TENM4: variants seen among roughly 807,000 people sequenced by gnomAD.
TENM4 encodes teneurin transmembrane protein 4, also known as teneurin-4.
TENM4 carries 82 observed loss-of-function variants against 243.3 expected under a neutral mutation model. The observed-to-expected ratio is 0.34, with a 90% CI of 0.28 to 0.40. The LOEUF (loss-of-function observed/expected upper bound fraction) is 0.40. Ranked by LOEUF, TENM4 falls within the 10% of genes least tolerant of loss-of-function variation. The pLI is 1.00. For synonymous variants in TENM4, 1,412 were observed against 1,456.3 expected, an observed-to-expected ratio of 0.97 and a Z score of 0.69; for missense variants, 3,138 against 3,673.3, an observed-to-expected ratio of 0.85 and a Z score of 3.77.
At chr11:78,688,344 A>G in intron 28 of TENM4, 118 bp from the exon 29 acceptor site, 2 of 1,135,716 alleles carry the variant, frequency 1.8e-6, no homozygotes, top group Non-Finnish European at 2.5e-6. Flanking sequence ...CTGGCTGGAT[A>G]CATTCCCATG....
chr11:79,139,749 A>AAT (rs71050211), intron 4 of TENM4, among the ~76,000 whole-genome samples: 3,650 of 58,486 alleles, frequency 0.062, 496 homozygotes, highest in African/African-American at 0.22. Flanking sequence ...ATAAATATAT[A>AAT]ATATATATTA....
chr11:78,761,532 C>A (rs748727254), intron 18 of TENM4, among the ~76,000 whole-genome samples: 51 of 151,964 alleles, frequency 3.4e-4, no homozygotes, highest in Non-Finnish European at 6.5e-4. Context: ...AGCCACTGTG[C>A]CTGGCCCAGG....
intron 3 of TENM4, among the ~76,000 whole-genome samples, chr11:79,206,948 A>G (rs1241744113): frequency 6.6e-6 from 1 of 152,198 alleles, no homozygotes; most frequent in East Asian, 1.9e-4. Flanking sequence ...TGACAAATTC[A>G]TGATATAAAC....
At chr11:79,264,802 A>C (rs1182669294) in intron 2 of TENM4, among the ~76,000 whole-genome samples, 1 of 152,170 alleles carries the variant, frequency 6.6e-6, no homozygotes, top group Admixed American at 6.5e-5. Context: ...ATGTTCAAAA[A>C]CTGTTCTAGG....
At chr11:78,862,691 C>T (rs1858853552) in intron 10 of TENM4, among the ~76,000 whole-genome samples, 1 of 152,190 alleles carries the variant, frequency 6.6e-6, no homozygotes, top group South Asian at 2.1e-4. Flanking sequence ...CAGTGTGAAG[C>T]CCCTAATGCT....
Position 78,672,224 on chromosome 11 carries a change from C to T in TENM4, c.5602G>A (p.Ala1868Thr), listed in dbSNP as rs201082605. ...KFTLRILYDQAGRPSLWSPSS... is the reference protein window; with the variant it reads ...KFTLRILYDQTGRPSLWSPSS... Reference sequence around the variant, plus strand: ...GGTGACCAGAGGCTGGGCCGCCCCGCCTGGTCGTACAGAATCCGAAGGGTG... The same window carrying T: ...GGTGACCAGAGGCTGGGCCGCCCCGTCTGGTCGTACAGAATCCGAAGGGTG... Residue 1868 changes from alanine (A) to threonine (T), a missense_variant, in exon 31 of 34, where the codon GCG (alanine) becomes ACG (threonine). Around this residue, in one of 2 missense-constraint regions of TENM4, gnomAD observed 2,467 missense variants for 3,059.1 expected, o/e 0.81. Transcript: ENST00000278550. 1.0e-3 allele frequency: 1,693 copies of T among 1,614,064 alleles called. 5 individuals are homozygous for T. The highest frequency in any genetic ancestry group is 3.8e-4 in the Non-Finnish European group (447 of 1,179,914).
intron 1 of TENM4, among the ~76,000 whole-genome samples, chr11:79,317,083 G>T (rs1357795964): frequency 1.3e-5 from 2 of 152,144 alleles, no homozygotes; most frequent in Non-Finnish European, 2.9e-5. Flanking sequence ...ATGACAAAAA[G>T]AATGACTTTT....
intron 4 of TENM4, among the ~76,000 whole-genome samples, chr11:79,080,772 T>C (rs2137027699): frequency 6.6e-6 from 1 of 152,328 alleles, no homozygotes; most frequent in East Asian, 1.9e-4. Flanking sequence ...GGAAAAATAC[T>C]TCCTTCCTTC....
chr11:78,674,374 C>T (rs1168509601), intron 30 of TENM4, among the ~76,000 whole-genome samples: 4 of 152,198 alleles, frequency 2.6e-5, no homozygotes, highest in South Asian at 2.1e-4. Flanking sequence ...CGTGGCCACC[C>T]GTCCCAATCT....
At chr11:78,900,828 A>T (rs1314431632) in intron 7 of TENM4, among the ~76,000 whole-genome samples, 3 of 152,166 alleles carry the variant, frequency 2.0e-5, no homozygotes, top group Admixed American at 6.5e-5. Context: ...GCCAGACTTG[A>T]TGCTGATCCC....
intron 1 of TENM4, among the ~76,000 whole-genome samples, chr11:79,406,285 A>C (rs1385296406): frequency 6.6e-6 from 1 of 152,216 alleles, no homozygotes; most frequent in East Asian, 1.9e-4. Flanking sequence ...TTCTGGAATC[A>C]ATTTATTTTA....
chr11:78,738,110 A>G (rs1055908505), intron 20 of TENM4, among the ~76,000 whole-genome samples: 3 of 152,236 alleles, frequency 2.0e-5, no homozygotes, highest in Non-Finnish European at 1.5e-5. Context: ...TGGAAACCAC[A>G]TAACAGGAAT....
Position 79,249,505 on chromosome 11 carries a change from G to A in TENM4, c.-264-33596C>T, listed in dbSNP as rs376489916. Among the ~76,000 whole-genome samples the A allele has an allele frequency of 1.2e-4, 18 of 152,234 alleles. No individual in the cohort carries two copies. The South Asian group carries it at 2.5e-3, about 21-fold the overall frequency. ...TGCTATGTGTCAGGGACAGTGCTGG[G>A]TTCTATTTCAAATTCATTTACCCAC... On this transcript the variant is annotated intron_variant, in intron 2 of 33. Transcript: ENST00000278550.
intron 3 of TENM4, 46 bp downstream of exon 3, chr11:79,215,762 A>G: frequency 1.0e-6 from 1 of 985,872 alleles, no homozygotes; most frequent in Non-Finnish European, 1.2e-6. Flanking sequence ...CAAGGCCACA[A>G]ATTTGCAGCT....
chr11:78,988,955 G>A (rs80119361), intron 6 of TENM4, among the ~76,000 whole-genome samples: 1,939 of 152,324 alleles, frequency 0.013, 19 homozygotes, highest in Middle Eastern at 0.041. Flanking sequence ...AGGATTGCTG[G>A]CTTGAGCCAC....
intron 1 of TENM4, among the ~76,000 whole-genome samples, chr11:79,432,619 T>A (rs1859192374): frequency 1.3e-5 from 2 of 152,102 alleles, no homozygotes; most frequent in African/African-American, 2.4e-5. Flanking sequence ...ACAAACAAGG[T>A]TGGGGAGGGT....
intron 19 of TENM4, among the ~76,000 whole-genome samples, chr11:78,751,211 C>T (rs770473653): frequency 3.9e-5 from 6 of 152,180 alleles, no homozygotes; most frequent in African/African-American, 7.2e-5. Context: ...CTCTGTCCCT[C>T]GCTAAGCCTG....
chr11:79,395,390 A>C (rs1369388169), intron 1 of TENM4, among the ~76,000 whole-genome samples: 3 of 152,202 alleles, frequency 2.0e-5, no homozygotes, highest in Non-Finnish European at 4.4e-5. Flanking sequence ...CACAGACTCC[A>C]TTCCTAACTG....
chr11:79,046,736 C>T (rs1016615214), intron 6 of TENM4, among the ~76,000 whole-genome samples: 1 of 152,042 alleles, frequency 6.6e-6, no homozygotes, highest in Non-Finnish European at 1.5e-5. Flanking sequence ...TAGGAAGAGG[C>T]AGAGAAAGAT....
Sources: gnomAD v4.1 joint callset for allele counts (sites outside exome capture counted in the v4.1 genomes callset) on GRCh38, gnomAD v4.1.1 for gene constraint, gnomAD v4.1.1 regional missense constraint, MANE v1.5 for transcripts, NCBI Gene and HGNC (gene_info 2026-07-23, HGNC 2026-07-21) for gene names.